Variants in COL16A1 observed in about 807,000 individuals in gnomAD.
COL16A1 encodes the protein collagen alpha-1(XVI) chain.
In COL16A1, 189 loss-of-function variants were observed where a neutral mutation model predicts 266.3. The observed-to-expected ratio is 0.71, with a 90% CI of 0.63 to 0.80. The LOEUF (loss-of-function observed/expected upper bound fraction) is 0.80. COL16A1 is among the 30% of genes least tolerant of loss of function. The probability of loss-of-function intolerance (pLI) is 0.00; values close to 1 mark genes in which losing one functional copy is unlikely to be tolerated. For synonymous variants in COL16A1, 740 were observed against 782.3 expected, an observed-to-expected ratio of 0.95 and a Z score of 0.90; for missense variants, 1,928 against 2,122.4, an observed-to-expected ratio of 0.91 and a Z score of 1.80.
intron 54 of COL16A1, 21 bp downstream of exon 54, chr1:31,665,861 C>T (rs762955101): frequency 2.5e-6 from 4 of 1,614,142 alleles, no homozygotes; most frequent in Admixed American, 1.7e-5. Context: ...TCCCTGCAGC[C>T]AGGTCCCAGT....
rs557290573 is a variant in COL16A1 at position 31,688,544 on chromosome 1, C to G, written c.1768-42G>C. On this transcript the variant is annotated intron_variant, in intron 25 of 70. Transcript: ENST00000373672. The surrounding 1 kb of genome is among the most constrained non-coding windows in gnomAD (Gnocchi z 4.9). ...ACAGAGTCTCAGCATCTCCCCACTC[C>G]CACCTCTCCAAGGCTCCCCGGGTCC... 6.2e-7 allele frequency: 1 copy of G among 1,613,906 alleles called. No homozygotes were observed. Among genetic ancestry groups the G allele is most frequent in the Non-Finnish European group, 8.5e-7 (1 of 1,179,814 alleles).
Position 31,654,027 on chromosome 1 carries a change from G to A in COL16A1, c.4374C>T (p.Tyr1458=). 1.9e-6 allele frequency: 3 copies of A among 1,613,832 alleles called. No individual in the cohort carries two copies. Among genetic ancestry groups the A allele is most frequent in the East Asian group, 4.5e-5 (2 of 44,882 alleles). The change falls in exon 69 of 71, where the codon TAC becomes TAT. Residue 1458 remains tyrosine, a synonymous_variant. Transcript: ENST00000373672. ...CCATGGGGAACTGCATCCTGGAGGT[G>A]TAGTAAGCCATTCTCTCTGTAAAAA... ...IKMFDERMAY[Y]TSRMQFPMEM... is the part of the protein sequence containing the mutation.
chr1:31,686,066 G>T (rs1643956411), intron 28 of COL16A1, 25 bp downstream of exon 28: 1 of 1,613,234 alleles, frequency 6.2e-7, no homozygotes. Flanking sequence ...CCAGGCTGCA[G>T]CACGGAGAAT....
In COL16A1 at chr1:31,653,599, C is replaced by T. The variant is rs916115331; in HGVS notation, c.4612G>A (p.Gly1538Ser). ...GGTCTCAAATGGTGGTATTTCCTAC[C>T]TGGGGGGCCGGGAAGACCATTTTCT... ...AGENGLPGPPGPQGPPGYGKM... is the reference protein window; with the variant it reads ...AGENGLPGPPSPQGPPGYGKM... Residue 1538 changes from glycine to serine, a missense_variant and splice_region_variant, in exon 70 of 71, where the codon GGT becomes AGT. Gly to Ser is a moderately conservative substitution (Grantham distance 56). Coordinates refer to ENST00000373672, the MANE Select transcript of COL16A1 (RefSeq NM_001856.4). 6.2e-7 allele frequency: 1 copy of T among 1,613,286 alleles called. No individual in the cohort carries two copies. The highest frequency in any genetic ancestry group is 1.1e-5 in the South Asian group (1 of 91,014).
chr1:31,661,955 C>A (rs1243045103), intron 58 of COL16A1, among the ~76,000 whole-genome samples: 1 of 152,182 alleles, frequency 6.6e-6, no homozygotes, highest in African/African-American at 2.4e-5. Flanking sequence ...GTGGCCCCAG[C>A]CCTTTCAGAT....
chr1:31,665,413 G>A (rs924778365), intron 55 of COL16A1, 170 bp downstream of exon 55: 12 of 1,420,232 alleles, frequency 8.4e-6, no homozygotes, highest in Non-Finnish European at 1.1e-5. Context: ...ACAAGAGGCT[G>A]GGCTCTCCAG....
chr1:31,689,639 G>A (rs2148798494), intron 23 of COL16A1, 102 bp downstream of exon 23: 5 of 902,680 alleles, frequency 5.5e-6, no homozygotes, highest in Non-Finnish European at 9.2e-6. Context: ...CTGTAGCCAC[G>A]AGAAGTACCC....
In COL16A1 at chr1:31,694,190, G is replaced by A. The variant is rs1644397318; in HGVS notation, c.982-20C>T. The A allele has an allele frequency of 6.4e-7, 1 of 1,574,310 alleles. No homozygotes were observed. The highest frequency in any genetic ancestry group is 8.7e-7 in the Non-Finnish European group (1 of 1,155,562). On this transcript the variant is annotated intron_variant, in intron 11 of 70. Transcript: ENST00000373672. ...TGTGACCTGAGGGGACAGAGGAGAG[G>A]GCATCACACTTCCGGTAGAGAGAGA...
rs1024078559 is a variant in COL16A1, at chr1:31,656,916, T to C, written c.4056+117A>G. ...CCCCAGGACAACAGGGTTAACAATT[T>C]CCAGAGACAGCCCGTACATAGAAGG... is the stretch of plus-strand genomic sequence containing the variant. On this transcript the variant is annotated intron_variant, in intron 65 of 70. Transcript: ENST00000373672. The surrounding 1 kb of genome is among the most constrained non-coding windows in gnomAD (Gnocchi z 4.2). The C allele has an allele frequency of 6.9e-7, 1 of 1,440,124 alleles. No homozygotes were observed. Among genetic ancestry groups the C allele is most frequent in the Admixed American group, 1.7e-5 (1 of 58,276 alleles). 89.2% of individuals were successfully genotyped at this position (1,440,124 alleles called of 1,614,324 possible).
At chr1:31,682,503 T>A (rs1570496968) in intron 37 of COL16A1, among the ~76,000 whole-genome samples, 1 of 152,336 alleles carries the variant, frequency 6.6e-6, no homozygotes, top group Non-Finnish European at 1.5e-5. Flanking sequence ...GTTTCCATCC[T>A]CATAGACAGT....
At position 31,654,810 on chromosome 1, in the gene COL16A1, T is replaced by A. The variant is rs756112843; in HGVS notation, c.4339A>T (p.Ile1447Phe). The A allele has an allele frequency of 1.2e-6, 2 of 1,613,972 alleles. No homozygotes were observed. The highest frequency in any genetic ancestry group is 8.5e-7 in the Non-Finnish European group (1 of 1,180,020). Residue 1447 changes from isoleucine (I) to phenylalanine (F), a missense_variant, in exon 68 of 71, where the codon ATC becomes TTC. Ile to Phe is a conservative substitution (Grantham distance 21, BLOSUM62 0). Around this residue, in one of 2 missense-constraint regions of COL16A1, gnomAD observed 376 missense variants for 485.2 expected, o/e 0.77. Transcript: ENST00000373672. ...CAGTTACCATCAAACATTTTAATGA[T>A]CTCTTGTCTGATGAACCTCTTGATT... Reference protein sequence around the residue: ...DEIKRFIRQEIIKMFDERMAY... With the variant: ...DEIKRFIRQEFIKMFDERMAY...
At chr1:31,696,848 C>G in intron 8 of COL16A1, 115 bp downstream of exon 8, 1 of 1,539,530 alleles carries the variant, frequency 6.5e-7, no homozygotes, top group Non-Finnish European at 8.8e-7. Context: ...TCCAGTGCCC[C>G]TCCTGCCCTG....
chr1:31,693,973 T>C (rs538590957), intron 12 of COL16A1, among the ~76,000 whole-genome samples, 171 bp downstream of exon 12: 49 of 152,320 alleles, frequency 3.2e-4, no homozygotes, highest in African/African-American at 1.1e-3. Context: ...CTTAGCATCT[T>C]TGCACACACA....
At chr1:31,676,103 T>C (rs1643157809) in intron 42 of COL16A1, among the ~76,000 whole-genome samples, 2 of 151,914 alleles carry the variant, frequency 1.3e-5, no homozygotes, top group East Asian at 3.9e-4. Flanking sequence ...GGTGGGCGGA[T>C]CACCTGAGGC....
Position 31,675,002 on chromosome 1 carries a change from C to T in COL16A1, c.2859+5G>A. 6.2e-7 allele frequency: 1 copy of T among 1,612,184 alleles called. No individual in the cohort carries two copies. The highest frequency in any genetic ancestry group is 1.1e-5 in the South Asian group (1 of 90,536). On this transcript the variant is annotated splice_donor_5th_base_variant and intron_variant, in intron 44 of 70. Coordinates refer to ENST00000373672, the MANE Select transcript of COL16A1 (RefSeq NM_001856.4). Reference sequence around the variant, plus strand: ...CTCACACTTCCCTCCTGGGTACCCTCTTACCTTAAGGAGGTGCTGTTCAAT... The same window carrying T: ...CTCACACTTCCCTCCTGGGTACCCTTTTACCTTAAGGAGGTGCTGTTCAAT...
rs1643843454 is a variant in COL16A1, at chr1:31,683,979, G to C, written c.2308C>G (p.Gln770Glu). 1.9e-6 allele frequency: 3 copies of C among 1,614,196 alleles called. No individual in the cohort carries two copies. The highest frequency in any genetic ancestry group is 2.2e-5 in the South Asian group (2 of 91,074). Residue 770 changes from glutamine to glutamate, a missense_variant, in exon 33 of 71, where the codon CAA becomes GAA. Gln to Glu is a conservative substitution (Grantham distance 29). Coordinates refer to ENST00000373672, the MANE Select transcript of COL16A1 (RefSeq NM_001856.4). ...KPGQPGLPGVQGPPGLKGVQG... is the reference protein window; with the variant it reads ...KPGQPGLPGVEGPPGLKGVQG... The stretch of plus-strand genomic sequence containing the variant: ...ACGCCCTTCAGTCCTGGGGGCCCTT[G>C]AACTCCTGGTAGACCGGGTTGGCCC...
intron 49 of COL16A1, chr1:31,669,812 T>A (rs1255461203): frequency 6.6e-6 from 1 of 152,254 alleles, no homozygotes; most frequent in East Asian, 1.9e-4. Flanking sequence ...TAAACACACC[T>A]GTGACGATGA....
chr1:31,702,269 C>G, intron 1 of COL16A1, 42 bp from the exon 2 acceptor site: 1 of 1,600,254 alleles, frequency 6.2e-7, no homozygotes, highest in Non-Finnish European at 8.5e-7. Context: ...TCTGAGTTCA[C>G]ACAGCACAAC....
At chr1:31,669,321 C>T (rs953194915) in intron 49 of COL16A1, among the ~76,000 whole-genome samples, 1 of 151,916 alleles carries the variant, frequency 6.6e-6, no homozygotes, top group African/African-American at 2.4e-5. Context: ...TCCAAGTCCC[C>T]CACCCCAAGC....
Sources: allele counts gnomAD v4.1 joint callset (sites outside exome capture counted in the v4.1 genomes callset), GRCh38; gene constraint gnomAD v4.1.1; regional missense constraint gnomAD v4.1.1; non-coding constraint Gnocchi (gnomAD v3.1); transcripts MANE v1.5; gene names NCBI Gene and HGNC (gene_info 2026-07-23, HGNC 2026-07-21).